The following PHKB variants were observed in gnomAD, a reference collection of about 807,000 sequenced individuals.
PHKB encodes phosphorylase kinase regulatory subunit beta.
A neutral mutation model predicts 152.1 loss-of-function variants in PHKB; 122 were observed. The ratio of observed to expected loss-of-function variants is 0.80; its 90% CI spans 0.69 to 0.93. The LOEUF (loss-of-function observed/expected upper bound fraction) is 0.93, where lower values mean the gene tolerates loss of function less well. Ranked by LOEUF, PHKB falls within the 40% of genes least tolerant of loss-of-function variation. The probability of loss-of-function intolerance (pLI) is 0.00; values close to 1 mark genes in which losing one functional copy is unlikely to be tolerated. For missense variants in PHKB, 1,304 were observed against 1,328.4 expected, an observed-to-expected ratio of 0.98 and a Z score of 0.29; for synonymous variants, 436 against 464.9, an observed-to-expected ratio of 0.94 and a Z score of 0.80.
At chr16:47,573,846 G>A (rs1442929436) in intron 7 of PHKB, among the ~76,000 whole-genome samples, 3 of 152,208 alleles carry the variant, frequency 2.0e-5, no homozygotes, top group African/African-American at 7.2e-5. Flanking sequence ...GCAGAATTCT[G>A]TGAGGTCCCT....
chr16:47,474,838 C>T (rs1969841030), intron 1 of PHKB, among the ~76,000 whole-genome samples: 2 of 152,104 alleles, frequency 1.3e-5, no homozygotes, highest in African/African-American at 4.8e-5. Flanking sequence ...GATTCTCCTG[C>T]CTCAGCCTCC....
intron 1 of PHKB, 25 bp from the exon 2 acceptor site, chr16:47,497,374 G>A: frequency 1.4e-6 from 2 of 1,385,616 alleles, no homozygotes. Flanking sequence ...GACTGAATTT[G>A]ATGGGTTTTT....
chr16:47,522,180 A>C (rs892564539), intron 6 of PHKB, among the ~76,000 whole-genome samples: 1 of 152,088 alleles, frequency 6.6e-6, no homozygotes, highest in Non-Finnish European at 1.5e-5. Context: ...TTTATCAGTA[A>C]AGCTTGCTGG....
At chr16:47,577,144 ATC>A (rs1247645225) in intron 7 of PHKB, among the ~76,000 whole-genome samples, 1 of 151,554 alleles carries the variant, frequency 6.6e-6, no homozygotes, top group Admixed American at 6.6e-5. Flanking sequence ...TTTTTTTAAA[ATC>A]TCTTTTTGAT....
Position 47,497,599 on chromosome 16 carries a change from T to G in PHKB, c.166+111T>G, listed in dbSNP as rs1970254665. 7 of 734,900 alleles carry G rather than the reference T, an allele frequency of 9.5e-6. No individual in the cohort carries two copies. The South Asian group carries it at 1.0e-4, about 11-fold the overall frequency. The allele number at this position is 734,900 out of a possible 1,614,324, so 45.5% of individuals were successfully genotyped here. A position where few individuals can be genotyped will look rare whatever the true frequency, so the allele number is the denominator to read the frequency against. The stretch of plus-strand genomic sequence containing the variant: ...ATGATATTGTTCTGTCATTGGGATT[T>G]GGGGTACTTTCAGTGCTTAAGTAGC... On this transcript the variant is annotated intron_variant, in intron 2 of 30. Coordinates refer to ENST00000323584, the MANE Select transcript of PHKB (RefSeq NM_000293.3).
At chr16:47,535,143 A>T (rs1053736515) in intron 6 of PHKB, among the ~76,000 whole-genome samples, 1 of 152,190 alleles carries the variant, frequency 6.6e-6, no homozygotes. Context: ...TTAGCTGTAC[A>T]AGACACAGGG....
intron 1 of PHKB, among the ~76,000 whole-genome samples, chr16:47,481,092 G>A (rs185202239): frequency 6.6e-6 from 1 of 152,128 alleles, no homozygotes; most frequent in Non-Finnish European, 1.5e-5. Flanking sequence ...TCTCCCAAGG[G>A]TCGTGAGTTT....
chr16:47,550,345 G>T (rs1380112908), intron 7 of PHKB, among the ~76,000 whole-genome samples: 4 of 152,024 alleles, frequency 2.6e-5, no homozygotes, highest in Non-Finnish European at 2.9e-5. Context: ...GATCTATTTG[G>T]GATTAATTGG....
chr16:47,659,035 A>G (rs1973390560), intron 20 of PHKB, among the ~76,000 whole-genome samples: 1 of 152,242 alleles, frequency 6.6e-6, no homozygotes, highest in African/African-American at 2.4e-5. Context: ...TAGCCTACAT[A>G]TTAGGAAATA....
intron 16 of PHKB, among the ~76,000 whole-genome samples, chr16:47,644,067 G>A (rs1264982105): frequency 6.6e-6 from 1 of 152,020 alleles, no homozygotes; most frequent in African/African-American, 2.4e-5. Context: ...CCATACCATG[G>A]TTCAGAAAGT....
At chr16:47,587,921 G>A (rs1971962215) in intron 9 of PHKB, among the ~76,000 whole-genome samples, 158 bp downstream of exon 9, 2 of 152,154 alleles carry the variant, frequency 1.3e-5, no homozygotes, top group African/African-American at 2.4e-5. Flanking sequence ...TCTGGCCTGG[G>A]GAGGTCTTAG....
At chr16:47,464,536 G>A (rs938941926) in intron 1 of PHKB, among the ~76,000 whole-genome samples, 2 of 152,154 alleles carry the variant, frequency 1.3e-5, no homozygotes, top group African/African-American at 4.8e-5. Context: ...CTCTTAGACC[G>A]TTGTGTTGAT....
chr16:47,616,493 T>TAATA (rs1972517202), intron 14 of PHKB, among the ~76,000 whole-genome samples: 1 of 146,184 alleles, frequency 6.8e-6, no homozygotes, highest in Non-Finnish European at 1.5e-5. Flanking sequence ...AATATATATT[T>TAATA]TATATATTTA....
chr16:47,566,344 CAGA>C (rs1163182382), intron 7 of PHKB: 1 of 1,390,268 alleles, frequency 7.2e-7, no homozygotes, highest in East Asian at 2.3e-5. Flanking sequence ...CTATCACAGC[CAGA>C]AGAATGATCA....
At chr16:47,500,635 A>G (rs1464515086) in intron 3 of PHKB, among the ~76,000 whole-genome samples, 1 of 152,142 alleles carries the variant, frequency 6.6e-6, no homozygotes, top group Non-Finnish European at 1.5e-5. Flanking sequence ...TTCTGGTTTT[A>G]TCACTGCACT....
chr16:47,597,678 C>CTTTTT (rs1010545365), intron 13 of PHKB: 2 of 107,878 alleles, frequency 1.9e-5, no homozygotes, highest in African/African-American at 3.3e-5. Context: ...TTTCTTTTTT[C>CTTTTT]TTTTTTTTTT....
chr16:47,505,825 G>A (rs972994864), intron 4 of PHKB, among the ~76,000 whole-genome samples: 1 of 152,010 alleles, frequency 6.6e-6, no homozygotes. Flanking sequence ...TTGAGGCCAG[G>A]AGTTCGAGAG....
chr16:47,663,941 A>G (rs866477910), intron 24 of PHKB: 1 of 613,224 alleles, frequency 1.6e-6, no homozygotes, highest in Non-Finnish European at 2.9e-6. Context: ...AAGACACTGT[A>G]GGGATTGAAC....
chr16:47,581,325 CTGTCTA>C (rs1971841558), intron 8 of PHKB, among the ~76,000 whole-genome samples: 1 of 152,152 alleles, frequency 6.6e-6, no homozygotes, highest in African/African-American at 2.4e-5. Context: ...TGGATGGGCT[CTGTCTA>C]TATGAAGGTC....
Sources: gnomAD v4.1 joint callset for allele counts (sites outside exome capture counted in the v4.1 genomes callset) on GRCh38, gnomAD v4.1.1 for gene constraint, MANE v1.5 for transcripts, NCBI Gene and HGNC (gene_info 2026-07-23, HGNC 2026-07-21) for gene names.